The following DHDDS variants were observed in gnomAD, a reference collection of about 807,000 sequenced individuals.
DHDDS encodes the protein dehydrodolichyl diphosphate synthase complex subunit DHDDS.
A neutral mutation model predicts 46.2 loss-of-function variants in DHDDS; 16 were observed. The observed-to-expected ratio is 0.35, with a 90% CI of 0.23 to 0.53. The LOEUF is 0.53. Ranked by LOEUF, DHDDS falls within the 20% of genes least tolerant of loss-of-function variation. The probability of loss-of-function intolerance (pLI) is 0.94; values close to 1 mark genes in which losing one functional copy is unlikely to be tolerated. For missense variants in DHDDS, 340 were observed against 423.7 expected (o/e 0.80, Z 1.73); for synonymous variants, 151 against 163.1 (o/e 0.93, Z 0.56).
At chr1:26,466,894 A>C (rs900870746) in intron 8 of DHDDS, among the ~76,000 whole-genome samples, 1 of 152,166 alleles carries the variant, frequency 6.6e-6, no homozygotes, top group African/African-American at 2.4e-5. Context: ...AGAGTAAGAG[A>C]GAGCCTTAGA....
chr1:26,462,987 G>A (rs766053407), intron 8 of DHDDS: 7 of 152,210 alleles, frequency 4.6e-5, no homozygotes, highest in Non-Finnish European at 1.0e-4. Context: ...AGAGACTGAG[G>A]TTAAAGTTTG....
rs1287046427 is a variant in DHDDS, at chr1:26,445,006, T to G, written c.324-1310T>G. Among the ~76,000 whole-genome samples the G allele has an allele frequency of 2.6e-5, 4 of 152,160 alleles. No individual in the cohort carries two copies. The South Asian group carries it at 6.2e-4, about 24-fold the overall frequency. ...ACTGTATGCAGAGTTTGGGAGTTAT[T>G]GTATGGAAGCAATATAATGTCATAA... On this transcript the variant is annotated intron_variant, in intron 4 of 8. Coordinates refer to ENST00000236342, the MANE Select transcript of DHDDS (RefSeq NM_205861.3).
intron 6 of DHDDS, chr1:26,455,137 T>C (rs776228623): frequency 1.3e-6 from 1 of 777,498 alleles, no homozygotes; most frequent in Non-Finnish European, 2.4e-6. Flanking sequence ...TGGAACCTCT[T>C]GATTTGCATG....
chr1:26,447,522 C>T (rs1305640183), intron 5 of DHDDS, 37 bp from the exon 6 acceptor site: 1 of 1,538,144 alleles, frequency 6.5e-7, no homozygotes, highest in Non-Finnish European at 9.0e-7. Flanking sequence ...CAGTCCCTGT[C>T]CCCCTTTGGT....
intron 8 of DHDDS, among the ~76,000 whole-genome samples, chr1:26,464,587 G>A (rs1315881453): frequency 6.6e-6 from 1 of 152,150 alleles, no homozygotes; most frequent in African/African-American, 2.4e-5. Flanking sequence ...TGCACTAAGG[G>A]GAGAATCCAG....
intron 6 of DHDDS, among the ~76,000 whole-genome samples, chr1:26,453,876 G>A (rs1344667158): frequency 6.6e-6 from 1 of 152,160 alleles, no homozygotes; most frequent in East Asian, 1.9e-4. Context: ...TCCATTTAGT[G>A]ATGGATTTTT....
At chr1:26,465,835 G>A (rs1329863317) in intron 8 of DHDDS, among the ~76,000 whole-genome samples, 1 of 152,172 alleles carries the variant, frequency 6.6e-6, no homozygotes, top group Non-Finnish European at 1.5e-5. Flanking sequence ...GGTAGGAGGT[G>A]CCCTTCTCTG....
intron 3 of DHDDS, among the ~76,000 whole-genome samples, chr1:26,439,819 G>A (rs1223731609): frequency 4.6e-5 from 7 of 152,184 alleles, no homozygotes; most frequent in South Asian, 2.1e-4. Context: ...CAAAAGAATG[G>A]AATATGACAA....
At chr1:26,465,119 C>T (rs1283555029) in intron 8 of DHDDS, among the ~76,000 whole-genome samples, 1 of 152,156 alleles carries the variant, frequency 6.6e-6, no homozygotes, top group Non-Finnish European at 1.5e-5. Context: ...GCAGCTGATC[C>T]TCAATCACAA....
At chr1:26,465,013 A>G (rs1049584035) in intron 8 of DHDDS, among the ~76,000 whole-genome samples, 4 of 152,188 alleles carry the variant, frequency 2.6e-5, no homozygotes, top group African/African-American at 9.6e-5. Context: ...AAGGCTGGCA[A>G]AGGGAGATCT....
intron 6 of DHDDS, among the ~76,000 whole-genome samples, chr1:26,451,404 ATGTGTGTG>A (rs35376620): frequency 0.046 from 6,282 of 135,952 alleles, 196 homozygotes; most frequent in East Asian, 0.1. Context: ...ATGTATGTAG[ATGTGTGTG>A]TGTGTGTGTG....
intron 6 of DHDDS, among the ~76,000 whole-genome samples, chr1:26,454,422 A>G (rs1251758869): frequency 6.6e-6 from 1 of 152,148 alleles, no homozygotes; most frequent in East Asian, 1.9e-4. Flanking sequence ...GTAAACTCAG[A>G]GAGACTGAGT....
rs773154382 is a variant in DHDDS at position 26,442,821 on chromosome 1, G to C, written c.271G>C (p.Asp91His). The change falls in exon 4 of 9, where the codon GAC becomes CAC. Residue 91 changes from aspartate to histidine, a missense_variant. By Grantham distance (81) the Asp-to-His change is moderately conservative. Around this residue, in one of 2 missense-constraint regions of DHDDS, gnomAD observed 72 missense variants for 123.5 expected, o/e 0.58. Transcript: ENST00000236342. ...CTTCAAACGCTCCAAGAGTGAGGTA[G>C]ACGGGCTTATGGATCTGGCCCGGCA... ...ENFKRSKSEVDGLMDLARQKF... is the reference protein window; with the variant it reads ...ENFKRSKSEVHGLMDLARQKF... 7 of 1,614,054 alleles carry C rather than the reference G, an allele frequency of 4.3e-6. No homozygotes were observed. In the Admixed American group the frequency reaches 1.0e-4, roughly 23 times the overall value.
chr1:26,460,351 A>G (rs983153541), intron 8 of DHDDS, among the ~76,000 whole-genome samples: 11 of 152,286 alleles, frequency 7.2e-5, no homozygotes, highest in African/African-American at 1.7e-4. Context: ...CAAGAACCCA[A>G]TGAGGGAAGT....
At chr1:26,439,465 C>T (rs2075196237) in intron 3 of DHDDS, among the ~76,000 whole-genome samples, 1 of 151,944 alleles carries the variant, frequency 6.6e-6, no homozygotes, top group Non-Finnish European at 1.5e-5. Context: ...GCCTGTGGTC[C>T]CAGCTACTTA....
chr1:26,458,045 C>G (rs2075388109), intron 7 of DHDDS, 140 bp downstream of exon 7: 4 of 723,818 alleles, frequency 5.5e-6, no homozygotes, highest in Non-Finnish European at 9.9e-6. Flanking sequence ...TCTGGAGAAG[C>G]ATCTCTAGGC....
chr1:26,457,985 C>A, intron 7 of DHDDS, 80 bp downstream of exon 7: 2 of 1,242,452 alleles, frequency 1.6e-6, no homozygotes, highest in Middle Eastern at 1.9e-4. Context: ...AGTGGTCCAT[C>A]CCCACTCCCA....
At position 26,469,164 on chromosome 1, in the gene DHDDS, C is replaced by T. The variant is rs2075526802; in HGVS notation, c.*33C>T. The T allele has an allele frequency of 1.2e-6, 2 of 1,611,122 alleles. No individual in the cohort carries two copies. Among genetic ancestry groups the T allele is most frequent in the African/African-American group, 1.3e-5 (1 of 74,894 alleles). On this transcript the variant is annotated 3_prime_UTR_variant, in exon 9 of 9. Transcript: ENST00000236342. Reference sequence around the variant, plus strand: ...TGGCCACCTGCCACTTTGCCCTGCCCTCTGCCTCCAGGGCTCCACTCCCCT... The same window carrying T: ...TGGCCACCTGCCACTTTGCCCTGCCTTCTGCCTCCAGGGCTCCACTCCCCT...
At chr1:26,434,522 GA>G (rs2075134084) in intron 2 of DHDDS, among the ~76,000 whole-genome samples, 1 of 152,176 alleles carries the variant, frequency 6.6e-6, no homozygotes, top group Non-Finnish European at 1.5e-5. Flanking sequence ...GACAGAAGTA[GA>G]AAAAGGAGAA....
Sources: gnomAD v4.1 joint callset for allele counts (sites outside exome capture counted in the v4.1 genomes callset) on GRCh38, gnomAD v4.1.1 for gene constraint, gnomAD v4.1.1 regional missense constraint, MANE v1.5 for transcripts, NCBI Gene and HGNC (gene_info 2026-07-23, HGNC 2026-07-21) for gene names.